The following NF1 variants were observed in gnomAD, a reference collection of about 807,000 sequenced individuals.
NF1 encodes the protein neurofibromin 1.
In NF1, 122 loss-of-function variants were observed where a neutral mutation model predicts 325.7. The observed-to-expected ratio is 0.37, with a 90% CI of 0.32 to 0.44. NF1 has a LOEUF of 0.44. NF1 is among the 20% of genes least tolerant of loss of function. NF1 has a pLI of 1.00. For synonymous variants in NF1, 1,091 were observed against 1,186.0 expected (o/e 0.92, Z 1.65); for missense variants, 2,140 against 3,415.4 (o/e 0.63, Z 9.31).
chr17:31,116,844 A>ATT (rs1162893167), intron 1 of NF1, among the ~76,000 whole-genome samples: 1 of 120,192 alleles, frequency 8.3e-6, no homozygotes, highest in Non-Finnish European at 1.8e-5. Flanking sequence ...ATTTTTTTGT[A>ATT]TTTTTTTTTT....
Position 31,357,756 on chromosome 17 carries a change from G to T in NF1, c.7970+387G>T. The T allele has an allele frequency of 1.5e-5, 4 of 266,746 alleles. No individual in the cohort carries two copies. The South Asian group carries it at 1.8e-4, about 12-fold the overall frequency. The allele number at this position is 266,746 out of a possible 1,614,324, so 16.5% of individuals were successfully genotyped here. On this transcript the variant is annotated intron_variant, in intron 54 of 57. Transcript: ENST00000358273. ...AAAATTGACCTTCTGTTTAGGAGGT[G>T]AATTGTTTACTCTCTCTTAAGGACT... is the stretch of plus-strand genomic sequence containing the variant.
rs1216018798 is a variant in NF1 at position 31,199,322 on chromosome 17, A to AT, written c.889-1094dup. Among the ~76,000 whole-genome samples, 6 of 151,696 alleles carry AT rather than the reference A, an allele frequency of 4.0e-5. No individual in the cohort carries two copies. In the South Asian group the frequency reaches 6.2e-4, roughly 16 times the overall value. On this transcript the variant is annotated intron_variant, in intron 8 of 57. Transcript: ENST00000358273. ...ACGTTGGTTTCTAATTTCCTTTGTG[A>AT]TTTTTTCCTTTGATCTATTAGTTAA... is the stretch of plus-strand genomic sequence containing the variant.
At position 31,278,415 on chromosome 17, in the gene NF1, T is replaced by G. The variant is rs1182178365; in HGVS notation, c.4835+13076T>G. ...CTTTTTGGATTTTTTGGGTTTTTTT[T>G]TTTTTTTTTTTTTTGAAAAGAACAC... On this transcript the variant is annotated intron_variant, in intron 36 of 57. Transcript: ENST00000358273. Among the ~76,000 whole-genome samples, 21 of 141,402 alleles carry G rather than the reference T, an allele frequency of 1.5e-4. 1 individual carries two copies. Among genetic ancestry groups the G allele is most frequent in the Non-Finnish European group, 2.4e-4 (16 of 66,740 alleles). 92.8% of individuals were successfully genotyped at this position (141,402 alleles called of 152,430 possible).
chr17:31,277,353 CG>C (rs2068028365), intron 36 of NF1, among the ~76,000 whole-genome samples: 1 of 152,144 alleles, frequency 6.6e-6, no homozygotes, highest in South Asian at 2.1e-4. Context: ...TAGAAACAGA[CG>C]GTTCAGTGGA....
intron 1 of NF1, among the ~76,000 whole-genome samples, chr17:31,111,912 C>T (rs2143302997): frequency 6.6e-6 from 1 of 152,140 alleles, no homozygotes; most frequent in South Asian, 2.1e-4. Context: ...TTTTGCTATT[C>T]TAGAATAATA....
chr17:31,311,267 A>G (rs2151517149), intron 36 of NF1, among the ~76,000 whole-genome samples: 1 of 152,248 alleles, frequency 6.6e-6, no homozygotes, highest in East Asian at 1.9e-4. Flanking sequence ...ACATGTTCTT[A>G]TAAATATAAT....
intron 56 of NF1, chr17:31,359,843 A>G (rs2070359968): frequency 6.4e-6 from 1 of 156,278 alleles, no homozygotes; most frequent in South Asian, 1.9e-4. Flanking sequence ...GCTCTCTCCA[A>G]ATTGATCAAA....
chr17:31,337,037 G>A, intron 42 of NF1, 123 bp downstream of exon 42: 2 of 982,602 alleles, frequency 2.0e-6, no homozygotes, highest in Non-Finnish European at 3.1e-6. Flanking sequence ...TAAGCCTCCA[G>A]TAATGACATG....
chr17:31,331,623 A>C (rs2069489792), intron 39 of NF1: 1 of 152,158 alleles, frequency 6.6e-6, no homozygotes, highest in Admixed American at 6.5e-5. Context: ...CAAACTGATG[A>C]GGGAGAGATT....
chr17:31,303,212 A>G (rs556990335), intron 36 of NF1, among the ~76,000 whole-genome samples: 3 of 152,284 alleles, frequency 2.0e-5, no homozygotes, highest in Non-Finnish European at 4.4e-5. Context: ...CTGGAGTTAG[A>G]TGGGACTAAT....
In NF1 at chr17:31,340,555, G is replaced by C. The variant is rs1555535169; in HGVS notation, c.6972G>C (p.Gln2324His). 6.2e-7 allele frequency: 1 copy of C among 1,614,140 alleles called. No individual in the cohort carries two copies. Among genetic ancestry groups the C allele is most frequent in the Non-Finnish European group, 8.5e-7 (1 of 1,180,024 alleles). Residue 2324 changes from glutamine (Q) to histidine (H), a missense_variant, in exon 47 of 58, where the codon CAG becomes CAC. Physicochemically the swap from Gln to His is conservative, Grantham distance 24 (BLOSUM62 0). Around this residue, in one of 10 missense-constraint regions of NF1, gnomAD observed 522 missense variants for 749.0 expected, o/e 0.70. Transcript: ENST00000358273. Reference protein sequence around the residue: ...ALFWVAVAVLQLDEVNLYSAG... With the variant: ...ALFWVAVAVLHLDEVNLYSAG... ...TTTGGGTAGCTGTGGCTGTGCTGCA[G>C]CTTGATGAGGTCAACTTGTATTCAG...
rs2151434572 is a variant in NF1 at position 31,232,758 on chromosome 17, G to A, written c.3373G>A (p.Ala1125Thr). Residue 1125 changes from alanine to threonine, a missense_variant, in exon 26 of 58, where the codon GCG becomes ACG. Around this residue, in one of 10 missense-constraint regions of NF1, gnomAD observed 380 missense variants for 639.3 expected, o/e 0.59. Coordinates refer to ENST00000358273, the MANE Select transcript of NF1 (RefSeq NM_001042492.3). ...CTGCAGTGAAGTTGAAGATGAAAGT[G>A]CGCAAACAGGTGGCAGGAAACGTGG... ...NDCSEVEDES[A>T]QTGGRKRGMS... 6.2e-7 allele frequency: 1 copy of A among 1,613,864 alleles called. No individual in the cohort carries two copies. Among genetic ancestry groups the A allele is most frequent in the Admixed American group, 1.7e-5 (1 of 60,008 alleles).
chr17:31,225,365 A>C, intron 17 of NF1, 115 bp downstream of exon 17: 1 of 1,146,180 alleles, frequency 8.7e-7, no homozygotes, highest in East Asian at 2.4e-5. Flanking sequence ...ACTGCTTAGA[A>C]TCTAGTTCTA....
intron 31 of NF1, chr17:31,254,129 A>T (rs935146992): frequency 6.7e-6 from 1 of 150,244 alleles, no homozygotes; most frequent in Non-Finnish European, 1.5e-5. Context: ...TTAATTAGCC[A>T]GGCGTGGTGG....
chr17:31,104,189 C>G (rs892739689), intron 1 of NF1, among the ~76,000 whole-genome samples: 1 of 152,056 alleles, frequency 6.6e-6, no homozygotes, highest in Non-Finnish European at 1.5e-5. Flanking sequence ...ACTCAGATTG[C>G]TATGGGGCAT....
intron 36 of NF1, among the ~76,000 whole-genome samples, chr17:31,278,493 CTTTTTTTTTTTTTTTTT>C (rs200450821): frequency 0.021 from 321 of 15,310 alleles, 5 homozygotes; most frequent in African/African-American, 0.054. Flanking sequence ...GTAATTGAAG[CTTTTTTTTTTTTTTTTT>C]TTTTTTTTTT....
At chr17:31,095,630 C>T (rs1281665171) in intron 1 of NF1, among the ~76,000 whole-genome samples, 2 of 152,168 alleles carry the variant, frequency 1.3e-5, no homozygotes, top group Non-Finnish European at 1.5e-5. Context: ...GCCTCCGACC[C>T]TCCATCCCCT....
intron 36 of NF1, among the ~76,000 whole-genome samples, chr17:31,289,353 A>G (rs926017482): frequency 6.6e-6 from 1 of 152,204 alleles, no homozygotes; most frequent in Non-Finnish European, 1.5e-5. Context: ...ATGAGATATG[A>G]GAAATTATTG....
chr17:31,240,445 G>GTA (rs1213081753), intron 29 of NF1, among the ~76,000 whole-genome samples: 1 of 152,208 alleles, frequency 6.6e-6, no homozygotes, highest in Non-Finnish European at 1.5e-5. Context: ...ACTCCGTTGT[G>GTA]TATATGTACC....
Sources: gnomAD v4.1 joint callset for allele counts (sites outside exome capture counted in the v4.1 genomes callset) on GRCh38, gnomAD v4.1.1 for gene constraint, gnomAD v4.1.1 regional missense constraint, MANE v1.5 for transcripts, NCBI Gene and HGNC (gene_info 2026-07-23, HGNC 2026-07-21) for gene names.